Variants in RBPJ observed in about 807,000 individuals in gnomAD.
RBPJ encodes recombination signal binding protein for immunoglobulin kappa J region.
A neutral mutation model predicts 67.8 loss-of-function variants in RBPJ; 9 were observed. The observed-to-expected ratio is 0.13, with a 90% CI of 0.08 to 0.23. RBPJ has a LOEUF of 0.23. Ranked by LOEUF, RBPJ falls within the 10% of genes least tolerant of loss-of-function variation. The pLI is 1.00. For missense variants in RBPJ, 305 were observed against 595.6 expected (o/e 0.51, Z 5.08); for synonymous variants, 198 against 203.3 (o/e 0.97, Z 0.22).
rs202028078 is a variant in RBPJ, at chr4:26,314,635, G to A, written c.-166-47811G>A. ...TGGTCCTGCTGCTCCCATCTAAGTC[G>A]CCTGCTCCTGCTTTGCTGTCTGCCA... On this transcript the variant is annotated intron_variant, in intron 1 of 4. Coordinates refer to the RBPJ transcript ENST00000512351. 4.6e-5 allele frequency among the ~76,000 whole-genome samples: 7 copies of A among 152,170 alleles called. No individual in the cohort carries two copies. In the East Asian group the frequency reaches 5.8e-4, roughly 13 times the overall value.
At chr4:26,306,824 C>T (rs911673922) in intron 1 of RBPJ, among the ~76,000 whole-genome samples, 1 of 151,916 alleles carries the variant, frequency 6.6e-6, no homozygotes, top group Non-Finnish European at 1.5e-5. Flanking sequence ...GTCTTGGTCA[C>T]CCATTTTCAG....
intron 1 of RBPJ, among the ~76,000 whole-genome samples, chr4:26,269,288 C>T (rs1413953228): frequency 6.6e-6 from 1 of 151,566 alleles, no homozygotes; most frequent in Non-Finnish European, 1.5e-5. Context: ...CAGGGTCTCG[C>T]TCCATCGTCC....
At chr4:26,148,521 G>A in the RBPJ span, among the ~76,000 whole-genome samples, 1 of 152,214 alleles carries the variant, frequency 6.6e-6, no homozygotes, top group African/African-American at 2.4e-5. Context: ...AGGAGACTGA[G>A]ATGGAGAGGT....
intron 1 of RBPJ, among the ~76,000 whole-genome samples, chr4:26,195,229 C>T (rs62409694): frequency 0.067 from 10,128 of 152,076 alleles, 441 homozygotes; most frequent in East Asian, 0.23. Context: ...ATTACCTGGG[C>T]GTGGTGGCAG....
chr4:26,249,866 A>T (rs1238750216), intron 1 of RBPJ, among the ~76,000 whole-genome samples: 2 of 148,814 alleles, frequency 1.3e-5, no homozygotes, highest in Non-Finnish European at 1.5e-5. Flanking sequence ...GCTCACCACA[A>T]CCTCTGCTTC....
the RBPJ span, among the ~76,000 whole-genome samples, chr4:26,114,573 AT>A: frequency 1.3e-5 from 2 of 151,326 alleles, no homozygotes; most frequent in African/African-American, 4.9e-5. Context: ...ATTTTGGTAT[AT>A]TTCATTTCCA....
chr4:26,385,764 TTTTTC>T (rs199785523), intron 1 of RBPJ, among the ~76,000 whole-genome samples: 369 of 151,368 alleles, frequency 2.4e-3, no homozygotes, highest in African/African-American at 8.7e-3. Context: ...TTTCTTTTTC[TTTTTC>T]TTTTCTTTTT....
intron 1 of RBPJ, among the ~76,000 whole-genome samples, chr4:26,266,092 T>C (rs1720695632): frequency 1.3e-5 from 2 of 152,182 alleles, no homozygotes; most frequent in East Asian, 1.9e-4. Flanking sequence ...TCCCTTAAAT[T>C]CCATACTTTG....
intron 1 of RBPJ, among the ~76,000 whole-genome samples, chr4:26,208,695 C>G (rs1053003147): frequency 6.6e-6 from 1 of 152,094 alleles, no homozygotes; most frequent in African/African-American, 2.4e-5. Context: ...TTTTGACCAC[C>G]CTGTGATTTT....
At position 26,430,479 on chromosome 4, in the gene RBPJ, T is replaced by G; in HGVS notation, c.1105T>G (p.Leu369Val). The G allele has an allele frequency of 6.2e-7, 1 of 1,606,894 alleles. No individual in the cohort carries two copies. The highest frequency in any genetic ancestry group is 8.5e-7 in the Non-Finnish European group (1 of 1,178,190). The change falls in exon 10 of 11, where the codon TTA (leucine) becomes GTA (valine). Residue 369 changes from leucine (L) to valine (V), a missense_variant. This residue lies in a region of RBPJ where 47 missense variants were observed against 128.2 expected (regional missense o/e 0.37). Transcript: ENST00000355476. The surrounding 1 kb of genome is among the most constrained non-coding windows in gnomAD (Gnocchi z 4.1). Reference sequence around the variant, plus strand: ...TACAGGACAGAATTTCACTCCAAATTTACGAGTGTGGTTTGGGGATGTAGA... The same window carrying G: ...TACAGGACAGAATTTCACTCCAAATGTACGAGTGTGGTTTGGGGATGTAGA... The part of the protein sequence containing the change: ...ELTGQNFTPN[L>V]RVWFGDVEAE...
intron 1 of RBPJ, among the ~76,000 whole-genome samples, chr4:26,253,329 TGAGACG>T (rs1429316193): frequency 6.8e-6 from 1 of 147,158 alleles, no homozygotes; most frequent in East Asian, 2.0e-4. Context: ...TTTTTTTTTT[TGAGACG>T]GAGTCTCGCT....
chr4:26,426,886 C>T (rs1458096878), intron 7 of RBPJ, among the ~76,000 whole-genome samples: 1 of 152,190 alleles, frequency 6.6e-6, no homozygotes, highest in Non-Finnish European at 1.5e-5. Flanking sequence ...AAGGTTAGCA[C>T]TAAGCAAGAC....
chr4:26,118,899 T>C, the RBPJ span, among the ~76,000 whole-genome samples: 1 of 152,182 alleles, frequency 6.6e-6, no homozygotes, highest in Non-Finnish European at 1.5e-5. Context: ...GACACCACTC[T>C]TTTTCTTTCC....
chr4:26,163,063 G>C (rs1716128729), upstream of RBPJ, among the ~76,000 whole-genome samples: 1 of 152,120 alleles, frequency 6.6e-6, no homozygotes, highest in Non-Finnish European at 1.5e-5. Flanking sequence ...TAGGAGATTG[G>C]GAATCTGGAC....
At chr4:26,117,307 C>T in the RBPJ span, among the ~76,000 whole-genome samples, 2 of 152,108 alleles carry the variant, frequency 1.3e-5, no homozygotes, top group African/African-American at 4.8e-5. Flanking sequence ...GCCCAAGCAT[C>T]CTGCCCTGGC....
chr4:26,431,083 A>C lies in RBPJ; in HGVS notation c.*76A>C. The C allele has an allele frequency of 7.4e-6, 10 of 1,343,084 alleles. No individual in the cohort carries two copies. The highest frequency in any genetic ancestry group is 2.7e-5 in the South Asian group (2 of 74,402). The allele number at this position is 1,343,084 out of a possible 1,614,324, so 83.2% of individuals were successfully genotyped here. A position where few individuals can be genotyped will look rare whatever the true frequency, so the allele number is the denominator to read the frequency against. ...AACAAAAAAGGAGAAAAAATGAACA[A>C]TCGTTTGTGGTTTCTTGGGAAAACT... On this transcript the variant is annotated 3_prime_UTR_variant, in exon 11 of 11. Transcript: ENST00000355476.
intron 1 of RBPJ, among the ~76,000 whole-genome samples, chr4:26,207,433 A>T (rs1365658999): frequency 6.6e-6 from 1 of 152,234 alleles, no homozygotes; most frequent in East Asian, 1.9e-4. Flanking sequence ...TGGATTGCAC[A>T]CACACACGGT....
intron 1 of RBPJ, among the ~76,000 whole-genome samples, chr4:26,352,125 G>A (rs1180464842): frequency 6.6e-6 from 1 of 152,192 alleles, no homozygotes; most frequent in Non-Finnish European, 1.5e-5. Context: ...TCTCTATATA[G>A]TGGGAGTTTA....
the RBPJ span, among the ~76,000 whole-genome samples, chr4:26,148,766 A>G: frequency 1.3e-5 from 2 of 152,206 alleles, no homozygotes; most frequent in African/African-American, 4.8e-5. Context: ...TTGAAGACCT[A>G]GGGATAAACC....
Sources: allele counts gnomAD v4.1 joint callset (sites outside exome capture counted in the v4.1 genomes callset), GRCh38; gene constraint gnomAD v4.1.1; regional missense constraint gnomAD v4.1.1; non-coding constraint Gnocchi (gnomAD v3.1); transcripts MANE v1.5; gene names NCBI Gene and HGNC (gene_info 2026-07-23, HGNC 2026-07-21).